Variants in PRKG1 observed in about 807,000 individuals in gnomAD.
PRKG1 encodes the protein cGMP-dependent protein kinase 1.
PRKG1 carries 35 observed loss-of-function variants against 88.1 expected under a neutral mutation model. That is an observed-to-expected ratio of 0.40 (90% CI 0.30 to 0.53). The LOEUF is 0.53. Among genes scored for constraint, PRKG1 ranks in the 20% least tolerant of loss-of-function variants. The pLI, the probability that PRKG1 is intolerant of heterozygous loss-of-function variation, is 0.59. For missense variants in PRKG1, 540 were observed against 839.8 expected, an observed-to-expected ratio of 0.64 and a Z score of 4.41; for synonymous variants, 303 against 292.5, an observed-to-expected ratio of 1.04 and a Z score of -0.37.
intron 3 of PRKG1, among the ~76,000 whole-genome samples, chr10:51,684,156 T>A (rs1422952697): frequency 6.6e-6 from 1 of 152,206 alleles, no homozygotes; most frequent in Non-Finnish European, 1.5e-5. Flanking sequence ...AAATGTGGTA[T>A]ATTCATACAA....
At chr10:51,814,474 C>T (rs1346023375) in intron 4 of PRKG1, among the ~76,000 whole-genome samples, 1 of 152,056 alleles carries the variant, frequency 6.6e-6, no homozygotes, top group African/African-American at 2.4e-5. Flanking sequence ...CAATGACAGA[C>T]CTATTGAGCT....
At chr10:51,401,942 T>C (rs1239113352) in intron 2 of PRKG1, among the ~76,000 whole-genome samples, 1 of 152,176 alleles carries the variant, frequency 6.6e-6, no homozygotes, top group East Asian at 1.9e-4. Context: ...TTGTGCAGTG[T>C]TTCCTCCTGC....
intron 8 of PRKG1, among the ~76,000 whole-genome samples, chr10:52,154,876 A>G (rs10733896): frequency 0.76 from 115,903 of 152,054 alleles, 44,424 homozygotes; most frequent in South Asian, 0.86. Flanking sequence ...GCTCCCAACT[A>G]TAAGTGAGAC....
At chr10:51,693,874 T>G (rs1453153850) in intron 3 of PRKG1, among the ~76,000 whole-genome samples, 3 of 152,098 alleles carry the variant, frequency 2.0e-5, no homozygotes, top group African/African-American at 7.2e-5. Context: ...TGTTTCAGGG[T>G]GCATAAAAAC....
intron 3 of PRKG1, chr10:51,698,438 T>G: frequency 1.9e-6 from 3 of 1,614,084 alleles, no homozygotes; most frequent in Non-Finnish European, 2.5e-6. Flanking sequence ...GCCACGAGTG[T>G]CATGACCAGA....
At chr10:51,627,581 TTTTG>T (rs1331417107) in intron 3 of PRKG1, among the ~76,000 whole-genome samples, 7 of 152,210 alleles carry the variant, frequency 4.6e-5, no homozygotes, top group East Asian at 1.9e-4. Context: ...TTGTTCATTT[TTTTG>T]TTTGTTTGTT....
intron 5 of PRKG1, among the ~76,000 whole-genome samples, chr10:51,973,049 C>T (rs527645016): frequency 2.1e-4 from 32 of 152,214 alleles, no homozygotes; most frequent in Non-Finnish European, 3.7e-4. Flanking sequence ...CATGAGGCAG[C>T]GGCACTTTGG....
At chr10:52,174,033 G>A (rs144613511) in intron 9 of PRKG1, among the ~76,000 whole-genome samples, 1 of 152,184 alleles carries the variant, frequency 6.6e-6, no homozygotes, top group East Asian at 1.9e-4. Context: ...TTCTCAAAAT[G>A]TCACAATATC....
intron 2 of PRKG1, among the ~76,000 whole-genome samples, chr10:51,243,068 G>A (rs1480937618): frequency 1.3e-5 from 2 of 152,112 alleles, no homozygotes; most frequent in South Asian, 2.1e-4. Flanking sequence ...CATTGAGATG[G>A]ACTTGGAAAT....
intron 4 of PRKG1, among the ~76,000 whole-genome samples, chr10:51,820,014 T>C (rs58030929): frequency 0.13 from 19,582 of 152,026 alleles, 1,608 homozygotes; most frequent in African/African-American, 0.24. Context: ...TTTTAAAAAT[T>C]ATTCAATGTT....
intron 9 of PRKG1, among the ~76,000 whole-genome samples, chr10:52,191,433 G>C (rs1020175535): frequency 6.6e-6 from 1 of 151,804 alleles, no homozygotes; most frequent in African/African-American, 2.4e-5. Context: ...CTCCCAAAGT[G>C]CTGGGATTAC....
At chr10:52,090,498 G>A (rs1847029462) in intron 7 of PRKG1, among the ~76,000 whole-genome samples, 1 of 149,386 alleles carries the variant, frequency 6.7e-6, no homozygotes, top group East Asian at 2.1e-4. Context: ...AATAAATGTA[G>A]AAGAAATAAG....
intron 5 of PRKG1, among the ~76,000 whole-genome samples, chr10:51,918,948 A>T (rs1273671761): frequency 8.5e-5 from 13 of 152,178 alleles, no homozygotes; most frequent in Admixed American, 7.9e-4. Flanking sequence ...TGAAGAATAG[A>T]AGCCCACTCG....
intron 3 of PRKG1, among the ~76,000 whole-genome samples, chr10:51,752,113 T>C (rs559735745): frequency 6.6e-6 from 1 of 152,300 alleles, no homozygotes; most frequent in Admixed American, 6.5e-5. Flanking sequence ...ACTGTTGCAT[T>C]TTCCATATCA....
chr10:51,801,820 G>A lies in PRKG1; in HGVS notation c.593-2765G>A, dbSNP rs201419662. Among the ~76,000 whole-genome samples the A allele has an allele frequency of 7.9e-5, 12 of 152,192 alleles. No homozygotes were observed. The East Asian group carries it at 2.3e-3, about 29-fold the overall frequency. ...GTGTTTAGAGGTCTCAGAGTAATGG[G>A]AGTTTATTTTCCACTGAGTGGGATG... is the stretch of plus-strand genomic sequence containing the variant. On this transcript the variant is annotated intron_variant, in intron 3 of 17. Coordinates refer to ENST00000373980, the MANE Select transcript of PRKG1 (RefSeq NM_006258.4).
intron 2 of PRKG1, among the ~76,000 whole-genome samples, chr10:51,307,099 T>TTCGA (rs1303587996): frequency 2.6e-5 from 4 of 152,088 alleles, no homozygotes; most frequent in Admixed American, 2.6e-4. Context: ...TGTATAAGAA[T>TTCGA]TCGATACTTA....
intron 3 of PRKG1, among the ~76,000 whole-genome samples, chr10:51,691,050 T>G (rs564625630): frequency 2.0e-5 from 3 of 150,742 alleles, no homozygotes; most frequent in African/African-American, 7.3e-5. Flanking sequence ...ATTTTATAAA[T>G]ATATGTTTTC....
At chr10:51,693,378 A>C (rs1841196356) in intron 3 of PRKG1, among the ~76,000 whole-genome samples, 1 of 149,316 alleles carries the variant, frequency 6.7e-6, no homozygotes, top group Non-Finnish European at 1.5e-5. Flanking sequence ...ATTTTTAATG[A>C]TGTTACCCCA....
chr10:52,073,352 C>T (rs1202533739), intron 7 of PRKG1, among the ~76,000 whole-genome samples: 4 of 152,180 alleles, frequency 2.6e-5, no homozygotes, highest in Non-Finnish European at 5.9e-5. Flanking sequence ...CAAATCAACT[C>T]ACTACATTCT....
Sources: gnomAD v4.1 joint callset for allele counts (sites outside exome capture counted in the v4.1 genomes callset) on GRCh38, gnomAD v4.1.1 for gene constraint, MANE v1.5 for transcripts, NCBI Gene and HGNC (gene_info 2026-07-23, HGNC 2026-07-21) for gene names.